NRG2: variants seen among roughly 807,000 people sequenced by gnomAD.
NRG2 encodes pro-neuregulin-2, membrane-bound isoform.
NRG2 carries 27 observed loss-of-function variants against 73.9 expected under a neutral mutation model. The ratio of observed to expected loss-of-function variants is 0.37; its 90% confidence interval spans 0.27 to 0.50. The LOEUF (loss-of-function observed/expected upper bound fraction) is 0.50, where lower values mean the gene tolerates loss of function less well. Ranked by LOEUF, NRG2 falls within the 20% of genes least tolerant of loss-of-function variation. The probability of loss-of-function intolerance (pLI) is 0.96; values close to 1 mark genes in which losing one functional copy is unlikely to be tolerated. For missense variants in NRG2, 1,126 were observed against 1,210.1 expected (o/e 0.93, Z 1.03); for synonymous variants, 532 against 541.0 (o/e 0.98, Z 0.23).
At chr5:139,993,136 G>A (rs35679599) in intron 1 of NRG2, among the ~76,000 whole-genome samples, 1 of 151,938 alleles carries the variant, frequency 6.6e-6, no homozygotes, top group Non-Finnish European at 1.5e-5. Context: ...TGGGGAGGGG[G>A]AGGTTCTCTC....
chr5:139,848,235 G>A lies in NRG2; in HGVS notation c.2235C>T (p.Arg745=). 3.5e-6 allele frequency: 4 copies of A among 1,156,762 alleles called. No individual in the cohort carries two copies. In the African/African-American group the frequency reaches 6.5e-5, roughly 19 times the overall value. The allele number at this position is 1,156,762 out of a possible 1,614,324, so 71.7% of individuals were successfully genotyped here. A position where few individuals can be genotyped will look rare whatever the true frequency, so the allele number is the denominator to read the frequency against. Residue 745 remains arginine, a synonymous_variant, in exon 10 of 10, where the codon CGC becomes CGT. Transcript: ENST00000361474. ...RTSAGPRRWR[R]SRLNGLAAQR... Reference sequence around the variant, plus strand: ...GCGCCGCCAGCCCGTTGAGGCGCGAGCGGCGCCAGCGCCGGGGCCCCGCCG... The same window carrying A: ...GCGCCGCCAGCCCGTTGAGGCGCGAACGGCGCCAGCGCCGGGGCCCCGCCG...
chr5:140,014,829 A>C lies in NRG2; in HGVS notation c.700+27541T>G, dbSNP rs80315314. ...TACTCCTCTGCTCAAACCCTCCAGC[A>C]GATCCTTTTTACACTGAAATAAAAG... On this transcript the variant is annotated intron_variant, in intron 1 of 9. Coordinates refer to ENST00000361474, the MANE Select transcript of NRG2 (RefSeq NM_004883.3). 2.1e-3 allele frequency among the ~76,000 whole-genome samples: 321 copies of C among 152,354 alleles called. 3 individuals are homozygous for C. Among genetic ancestry groups the C allele is most frequent in the Middle Eastern group, 0.01 (3 of 294 alleles).
chr5:139,950,467 A>C (rs1754120345), intron 1 of NRG2, among the ~76,000 whole-genome samples: 1 of 152,152 alleles, frequency 6.6e-6, no homozygotes, highest in African/African-American at 2.4e-5. Flanking sequence ...AAACCTAAAG[A>C]GCTTCCCATT....
At chr5:140,039,658 T>A (rs1028750407) in intron 1 of NRG2, among the ~76,000 whole-genome samples, 4 of 152,028 alleles carry the variant, frequency 2.6e-5, no homozygotes, top group African/African-American at 9.7e-5. Flanking sequence ...GGCCAATTTT[T>A]AAACACAATA....
chr5:140,031,354 G>A (rs1761135731), intron 1 of NRG2, among the ~76,000 whole-genome samples: 2 of 152,168 alleles, frequency 1.3e-5, no homozygotes, highest in South Asian at 4.1e-4. Context: ...CCAACAGTAA[G>A]CAGTCTGACA....
intron 1 of NRG2, among the ~76,000 whole-genome samples, chr5:139,917,127 G>A (rs1351159303): frequency 6.6e-6 from 1 of 152,106 alleles, no homozygotes; most frequent in East Asian, 1.9e-4. Context: ...ATGTGAAATG[G>A]TATCTTGTGA....
intron 1 of NRG2, among the ~76,000 whole-genome samples, chr5:139,909,895 C>T (rs954510312): frequency 5.3e-5 from 8 of 152,194 alleles, no homozygotes; most frequent in African/African-American, 1.9e-4. Context: ...AGAGATAGGG[C>T]CTCTTGCCAA....
At chr5:139,882,662 G>T (rs1763594964) in intron 2 of NRG2, among the ~76,000 whole-genome samples, 1 of 152,004 alleles carries the variant, frequency 6.6e-6, no homozygotes, top group African/African-American at 2.4e-5. Context: ...ACTTCCCTGT[G>T]CACACACCAG....
Position 140,042,843 on chromosome 5 carries a change from G to T in NRG2, c.227C>A (p.Pro76His). The change falls in exon 1 of 10, where the codon CCC (proline) becomes CAC (histidine). Residue 76 changes from proline to histidine, a missense_variant. Coordinates refer to ENST00000361474, the MANE Select transcript of NRG2 (RefSeq NM_004883.3). ...ACGGGCGGCGGCTCTCCGGGCTGCG[G>T]GGCTGCGGGGCTGCGGCTGTTGCTG... The part of the protein sequence containing the change: ...RPQQQPQPRS[P>H]AARRAAARSR... 3 of 1,491,182 alleles carry T rather than the reference G, an allele frequency of 2.0e-6. No homozygotes were observed. Among genetic ancestry groups the T allele is most frequent in the Non-Finnish European group, 2.7e-6 (3 of 1,124,200 alleles). The allele number at this position is 1,491,182 out of a possible 1,614,324, so 92.4% of individuals were successfully genotyped here.
chr5:139,958,467 GTTTGGGAGTTA>G (rs1754801557), intron 1 of NRG2, among the ~76,000 whole-genome samples: 1 of 152,164 alleles, frequency 6.6e-6, no homozygotes, highest in Non-Finnish European at 1.5e-5. Context: ...CTTTGGAGTT[GTTTGGGAGTTA>G]TTTGAGCTGA....
At chr5:139,938,957 G>GAA (rs1344045210) in intron 1 of NRG2, among the ~76,000 whole-genome samples, 2 of 107,420 alleles carry the variant, frequency 1.9e-5, no homozygotes, top group Non-Finnish European at 2.0e-5. Flanking sequence ...AAGAAAGAAA[G>GAA]AAAAAAGAAG....
intron 1 of NRG2, among the ~76,000 whole-genome samples, chr5:139,958,926 T>C (rs1277205104): frequency 6.6e-6 from 1 of 152,164 alleles, no homozygotes; most frequent in Non-Finnish European, 1.5e-5. Flanking sequence ...CGAGGGCCAT[T>C]GGTGGCATGA....
Position 139,865,878 on chromosome 5 carries a change from T to C in NRG2, c.1113-253A>G, listed in dbSNP as rs1762442802. 6.6e-6 allele frequency among the ~76,000 whole-genome samples: 1 copy of C among 151,824 alleles called. No homozygotes were observed. Among genetic ancestry groups the C allele is most frequent in the Admixed American group, 6.6e-5 (1 of 15,228 alleles). On this transcript the variant is annotated intron_variant, in intron 4 of 9. Coordinates refer to ENST00000361474, the MANE Select transcript of NRG2 (RefSeq NM_004883.3). This position sits in a 1 kb window ranked among gnomAD's most constrained non-coding sequence, Gnocchi z 5.2. ...TCAGGGGGAGGATGATTTAGGTAAG[T>C]GGGGTGAGGGAAGATGGGAAATTGT...
intron 1 of NRG2, among the ~76,000 whole-genome samples, chr5:139,889,453 G>C (rs1210917157): frequency 1.3e-5 from 2 of 152,200 alleles, no homozygotes; most frequent in Non-Finnish European, 2.9e-5. Context: ...GTCTTTCTAG[G>C]AGATAATCAA....
At chr5:139,893,680 G>C (rs2127148262) in intron 1 of NRG2, among the ~76,000 whole-genome samples, 1 of 150,600 alleles carries the variant, frequency 6.6e-6, no homozygotes, top group Non-Finnish European at 1.5e-5. Flanking sequence ...CTTGGGTTTT[G>C]GGGGAAGCCC....
chr5:139,890,089 CT>C (rs1267014051), intron 1 of NRG2, among the ~76,000 whole-genome samples: 9 of 152,084 alleles, frequency 5.9e-5, no homozygotes, highest in African/African-American at 2.2e-4. Context: ...CCAATTTGCG[CT>C]CCCCCCAGTG....
chr5:139,904,209 C>T lies in NRG2; in HGVS notation c.701-16698G>A. 8.0e-7 allele frequency: 1 copy of T among 1,247,112 alleles called. No homozygotes were observed. The highest frequency in any genetic ancestry group is 1.0e-6 in the Non-Finnish European group (1 of 965,660). The allele number at this position is 1,247,112 out of a possible 1,614,324, so 77.3% of individuals were successfully genotyped here. On this transcript the variant is annotated intron_variant, in intron 1 of 9. Transcript: ENST00000361474. The surrounding 1 kb of genome is among the most constrained non-coding windows in gnomAD (Gnocchi z 6.0). Reference sequence around the variant, plus strand: ...TGCCTGTCACCGCGGCGGCCGCTAGCGCAGCCTAGACTCACCCGCGCTGCG... The same window carrying T: ...TGCCTGTCACCGCGGCGGCCGCTAGTGCAGCCTAGACTCACCCGCGCTGCG...
At chr5:139,892,039 A>G (rs1415667958) in intron 1 of NRG2, among the ~76,000 whole-genome samples, 3 of 152,172 alleles carry the variant, frequency 2.0e-5, no homozygotes, top group Admixed American at 6.5e-5. Flanking sequence ...CTCCTGCTCT[A>G]GCAGCTGCAA....
chr5:139,896,741 T>C (rs1043321844), intron 1 of NRG2, among the ~76,000 whole-genome samples: 2 of 152,120 alleles, frequency 1.3e-5, no homozygotes, highest in African/African-American at 4.8e-5. Context: ...ATGCCTCTTA[T>C]CCTCATAACT....
Sources: allele counts gnomAD v4.1 joint callset (sites outside exome capture counted in the v4.1 genomes callset), GRCh38; gene constraint gnomAD v4.1.1; non-coding constraint Gnocchi (gnomAD v3.1); transcripts MANE v1.5; gene names NCBI Gene and HGNC (gene_info 2026-07-23, HGNC 2026-07-21).